SOX5: variants seen among roughly 807,000 people sequenced by gnomAD.
SOX5 encodes transcription factor SOX-5.
A neutral mutation model predicts 92.0 loss-of-function variants in SOX5; 9 were observed. The ratio of observed to expected loss-of-function variants is 0.10; its 90% CI spans 0.06 to 0.17. SOX5 has a LOEUF of 0.17. Among genes scored for constraint, SOX5 ranks in the 10% least tolerant of loss-of-function variants. SOX5 has a pLI of 1.00. For missense variants in SOX5, 642 were observed against 944.5 expected, an observed-to-expected ratio of 0.68 and a Z score of 4.20; for synonymous variants, 344 against 336.3, an observed-to-expected ratio of 1.02 and a Z score of -0.25.
chr12:23,744,078 CAT>C (rs2093897768), intron 4 of SOX5, among the ~76,000 whole-genome samples: 2 of 152,158 alleles, frequency 1.3e-5, no homozygotes, highest in South Asian at 2.1e-4. Flanking sequence ...AGCATTCTCA[CAT>C]GACTTCCTAG....
intron 4 of SOX5, among the ~76,000 whole-genome samples, chr12:24,060,843 T>C (rs1365106763): frequency 6.6e-6 from 1 of 152,110 alleles, no homozygotes; most frequent in African/African-American, 2.4e-5. Flanking sequence ...AAAATGAAGC[T>C]AACACAGAGA....
intron 1 of SOX5, among the ~76,000 whole-genome samples, chr12:24,407,060 G>C (rs1472253047): frequency 6.6e-6 from 1 of 152,022 alleles, no homozygotes; most frequent in Non-Finnish European, 1.5e-5. Flanking sequence ...TAACACAGGA[G>C]CTGCTGAACA....
chr12:24,232,560 G>A (rs571581666), intron 3 of SOX5, among the ~76,000 whole-genome samples: 1 of 152,302 alleles, frequency 6.6e-6, no homozygotes, highest in Non-Finnish European at 1.5e-5. Context: ...AAAGTTGCTA[G>A]AGACATGCCC....
intron 3 of SOX5, among the ~76,000 whole-genome samples, chr12:24,274,272 C>G (rs1944152677): frequency 6.6e-6 from 1 of 151,988 alleles, no homozygotes; most frequent in African/African-American, 2.4e-5. Context: ...TCAATTATTT[C>G]TTAATACACT....
chr12:23,733,310 G>C (rs551704637), intron 6 of SOX5, among the ~76,000 whole-genome samples: 1 of 152,236 alleles, frequency 6.6e-6, no homozygotes, highest in East Asian at 1.9e-4. Context: ...TAATACCTAT[G>C]CTTTGATAAT....
chr12:24,408,974 G>C (rs1213403573), intron 1 of SOX5, among the ~76,000 whole-genome samples: 1 of 152,120 alleles, frequency 6.6e-6, no homozygotes, highest in Non-Finnish European at 1.5e-5. Context: ...TCCCATTACT[G>C]GGTATATACC....
At chr12:24,144,996 A>G (rs998501871) in intron 4 of SOX5, among the ~76,000 whole-genome samples, 1 of 151,986 alleles carries the variant, frequency 6.6e-6, no homozygotes, top group Non-Finnish European at 1.5e-5. Flanking sequence ...GGAGGTGGAG[A>G]TGGGAGAATC....
intron 3 of SOX5, among the ~76,000 whole-genome samples, chr12:24,270,186 G>A (rs1472881998): frequency 2.0e-5 from 3 of 151,780 alleles, no homozygotes; most frequent in African/African-American, 4.8e-5. Context: ...TTAGCCTCCC[G>A]AGTGGCTGAG....
intron 1 of SOX5, among the ~76,000 whole-genome samples, chr12:23,907,798 A>G (rs12581677): frequency 0.081 from 12,298 of 152,208 alleles, 532 homozygotes; most frequent in East Asian, 0.093. Context: ...AGGCTTTATA[A>G]TACTGCATCC....
rs1948695385 is a variant in SOX5, at chr12:24,307,450, A to AAGG, written c.-173-30139_-173-30138insCCT. Among the ~76,000 whole-genome samples the AAGG allele has an allele frequency of 6.4e-4, 76 of 118,636 alleles. 2 individuals carry two copies. In the East Asian group the frequency reaches 9.0e-3, roughly 14 times the overall value. The allele number at this position is 118,636 out of a possible 152,430, so 77.8% of individuals were successfully genotyped here. On this transcript the variant is annotated intron_variant, in intron 2 of 4. Coordinates refer to the SOX5 transcript ENST00000446891. ...TTCTCATTTAGTACTGTATAGCTGG[A>AAGG]AAGGAAGGAAGGAAGGAAGGAAGGA...
At chr12:24,259,411 G>A (rs1941757500) in intron 3 of SOX5, among the ~76,000 whole-genome samples, 1 of 152,164 alleles carries the variant, frequency 6.6e-6, no homozygotes, top group African/African-American at 2.4e-5. Flanking sequence ...TCAATGCATT[G>A]TTTACTGAGT....
intron 7 of SOX5, among the ~76,000 whole-genome samples, chr12:23,654,632 A>G (rs886619981): frequency 6.6e-6 from 1 of 152,102 alleles, no homozygotes; most frequent in African/African-American, 2.4e-5. Flanking sequence ...CAACTCTCCT[A>G]CAGCATCTTG....
intron 1 of SOX5, among the ~76,000 whole-genome samples, chr12:24,370,847 A>G (rs1956669008): frequency 6.6e-6 from 1 of 152,228 alleles, no homozygotes; most frequent in Non-Finnish European, 1.5e-5. Context: ...TAAGTCACAT[A>G]TTCCTTGTAT....
At chr12:24,006,685 C>T (rs1457718402) in intron 4 of SOX5, among the ~76,000 whole-genome samples, 3 of 151,858 alleles carry the variant, frequency 2.0e-5, no homozygotes, top group Non-Finnish European at 2.9e-5. Context: ...CCATATTCTC[C>T]GATATTACCT....
chr12:23,731,512 A>G (rs369072624), intron 6 of SOX5, among the ~76,000 whole-genome samples: 1 of 152,174 alleles, frequency 6.6e-6, no homozygotes, highest in East Asian at 1.9e-4. Context: ...AAACTTGTTC[A>G]TGCTTTTTTA....
At chr12:24,182,773 G>C (rs1430602931) in intron 4 of SOX5, among the ~76,000 whole-genome samples, 7 of 152,170 alleles carry the variant, frequency 4.6e-5, no homozygotes, top group Admixed American at 1.3e-4. Context: ...GAGTGCAGTG[G>C]CACGACCTCA....
chr12:24,119,700 T>C (rs991209718), intron 4 of SOX5, among the ~76,000 whole-genome samples: 2 of 152,126 alleles, frequency 1.3e-5, no homozygotes, highest in African/African-American at 4.8e-5. Flanking sequence ...TATTAAAGAA[T>C]AATTTACACA....
chr12:23,864,622 T>G (rs1378375039), intron 2 of SOX5, among the ~76,000 whole-genome samples: 1 of 152,072 alleles, frequency 6.6e-6, no homozygotes, highest in African/African-American at 2.4e-5. Flanking sequence ...GCCACAAAAT[T>G]CATTTAAGCC....
At chr12:23,945,806 T>C (rs1434061241) in intron 1 of SOX5, among the ~76,000 whole-genome samples, 1 of 152,148 alleles carries the variant, frequency 6.6e-6, no homozygotes, top group Non-Finnish European at 1.5e-5. Flanking sequence ...AACCTGAATG[T>C]ACTTATCACT....
Sources: gnomAD v4.1 joint callset for allele counts (sites outside exome capture counted in the v4.1 genomes callset) on GRCh38, gnomAD v4.1.1 for gene constraint, MANE v1.5 for transcripts, NCBI Gene and HGNC (gene_info 2026-07-23, HGNC 2026-07-21) for gene names.